Variants in ADCY8 observed in about 807,000 individuals in gnomAD.
ADCY8 encodes the protein adenylate cyclase 8.
Under a neutral mutation model 119.7 loss-of-function variants are expected in ADCY8, and 51 were observed. That is an observed-to-expected ratio of 0.43 (90% CI 0.34 to 0.54). The LOEUF (loss-of-function observed/expected upper bound fraction) is 0.54. Ranked by LOEUF, ADCY8 falls within the 20% of genes least tolerant of loss-of-function variation. The probability of loss-of-function intolerance (pLI) is 0.03; values close to 1 mark genes in which losing one functional copy is unlikely to be tolerated. For missense variants in ADCY8, 1,383 were observed against 1,598.8 expected, an observed-to-expected ratio of 0.87 and a Z score of 2.30; for synonymous variants, 665 against 651.0, an observed-to-expected ratio of 1.02 and a Z score of -0.33.
intron 12 of ADCY8, among the ~76,000 whole-genome samples, chr8:130,826,921 G>A (rs1385717676): frequency 1.3e-5 from 2 of 152,006 alleles, no homozygotes; most frequent in Admixed American, 1.3e-4. Flanking sequence ...GTCGTGGGGT[G>A]GGGGGTTGGG....
At chr8:130,847,555 A>G (rs1226377021) in intron 10 of ADCY8, 42 bp from the exon 11 acceptor site, 1 of 1,494,062 alleles carries the variant, frequency 6.7e-7, no homozygotes, top group Non-Finnish European at 9.2e-7. Context: ...CAAAAACAAA[A>G]ACAGGAACAA....
chr8:130,866,474 G>A (rs1818127883), intron 9 of ADCY8, among the ~76,000 whole-genome samples: 1 of 152,092 alleles, frequency 6.6e-6, no homozygotes, highest in African/African-American at 2.4e-5. Flanking sequence ...CAGCCATAGT[G>A]TCTACTATAT....
intron 11 of ADCY8, among the ~76,000 whole-genome samples, chr8:130,842,456 T>A (rs1201042773): frequency 6.6e-6 from 1 of 152,208 alleles, no homozygotes; most frequent in Non-Finnish European, 1.5e-5. Flanking sequence ...CCAGTACTGC[T>A]TTTATTTTAT....
At chr8:130,978,383 T>C (rs535156202) in intron 2 of ADCY8, among the ~76,000 whole-genome samples, 1 of 152,296 alleles carries the variant, frequency 6.6e-6, no homozygotes, top group South Asian at 2.1e-4. Context: ...CATTCTCTGT[T>C]GGATATGAAA....
chr8:131,008,063 T>C (rs1019632038), intron 1 of ADCY8, among the ~76,000 whole-genome samples: 3 of 152,186 alleles, frequency 2.0e-5, no homozygotes, highest in African/African-American at 4.8e-5. Flanking sequence ...GTTTTGACAA[T>C]GAAAGGGCTG....
chr8:131,029,768 CT>C (rs1169720455), intron 1 of ADCY8, among the ~76,000 whole-genome samples: 1 of 145,960 alleles, frequency 6.9e-6, no homozygotes, highest in Non-Finnish European at 1.5e-5. Context: ...TTCTGGTGTA[CT>C]TTTGCTGTAT....
At chr8:130,897,511 C>T (rs1404265938) in intron 7 of ADCY8, among the ~76,000 whole-genome samples, 1 of 151,478 alleles carries the variant, frequency 6.6e-6, no homozygotes, top group Non-Finnish European at 1.5e-5. Context: ...TTGTTCCAGG[C>T]AAACAATCAT....
chr8:130,995,810 G>A lies in ADCY8; in HGVS notation c.961-5268C>T, dbSNP rs1020677243. ...GCACCCTGTGAATTTATCACAAATT[G>A]TAATTATATATTATTTGCTTGCTTG... On this transcript the variant is annotated intron_variant, in intron 1 of 17. Transcript: ENST00000286355. Among the ~76,000 whole-genome samples, 8 of 152,224 alleles carry A rather than the reference G, an allele frequency of 5.3e-5. No homozygotes were observed. The South Asian group carries it at 8.3e-4, about 16-fold the overall frequency.
intron 2 of ADCY8, among the ~76,000 whole-genome samples, chr8:130,952,385 C>T (rs1821301039): frequency 6.6e-6 from 1 of 152,146 alleles, no homozygotes; most frequent in South Asian, 2.1e-4. Context: ...TTAAGAATGG[C>T]CTTACCAAGG....
At chr8:130,884,274 T>C (rs1333419256) in intron 8 of ADCY8, among the ~76,000 whole-genome samples, 1 of 152,194 alleles carries the variant, frequency 6.6e-6, no homozygotes, top group Non-Finnish European at 1.5e-5. Context: ...CTTAATAATC[T>C]GAAAGTGGAA....
chr8:130,952,861 G>A (rs1015755578), intron 2 of ADCY8, among the ~76,000 whole-genome samples: 6 of 152,122 alleles, frequency 3.9e-5, no homozygotes, highest in African/African-American at 1.4e-4. Context: ...CTGGGAGAGT[G>A]AGCTACACTT....
chr8:130,934,896 C>T (rs1314303795), intron 5 of ADCY8, among the ~76,000 whole-genome samples: 2 of 152,180 alleles, frequency 1.3e-5, no homozygotes, highest in Non-Finnish European at 2.9e-5. Flanking sequence ...CATAAATTCT[C>T]ATCCCACTTG....
At chr8:130,965,685 T>TCAGAATATTCCATTTGTA (rs1413123458) in intron 2 of ADCY8, among the ~76,000 whole-genome samples, 6 of 152,186 alleles carry the variant, frequency 3.9e-5, no homozygotes, top group African/African-American at 1.4e-4. Flanking sequence ...TTTCTGATAA[T>TCAGAATATTCCATTTGTA]CATTTGAATG....
At chr8:130,949,202 G>C (rs1006665781) in intron 3 of ADCY8, among the ~76,000 whole-genome samples, 2 of 152,078 alleles carry the variant, frequency 1.3e-5, no homozygotes, top group Non-Finnish European at 2.9e-5. Context: ...TAAGAGTAAC[G>C]GGAGCACTGA....
chr8:130,947,151 A>G (rs1388480922), intron 3 of ADCY8, among the ~76,000 whole-genome samples: 1 of 152,204 alleles, frequency 6.6e-6, no homozygotes, highest in Non-Finnish European at 1.5e-5. Flanking sequence ...TTGGCTAAAA[A>G]TAAGTCATGT....
At chr8:130,976,290 C>T (rs1362424682) in intron 2 of ADCY8, among the ~76,000 whole-genome samples, 1 of 152,148 alleles carries the variant, frequency 6.6e-6, no homozygotes, top group Non-Finnish European at 1.5e-5. Context: ...GAGTGAAGGC[C>T]TTTGAAGCTT....
intron 6 of ADCY8, among the ~76,000 whole-genome samples, chr8:130,904,909 G>T (rs1410122608): frequency 6.6e-6 from 1 of 152,134 alleles, no homozygotes; most frequent in Non-Finnish European, 1.5e-5. Context: ...TTATAGTGTG[G>T]TCTGGGTAGA....
chr8:130,946,427 T>C (rs1457171421), intron 3 of ADCY8, among the ~76,000 whole-genome samples: 1 of 152,100 alleles, frequency 6.6e-6, no homozygotes, highest in African/African-American at 2.4e-5. Flanking sequence ...CTGGTATAGA[T>C]TTTTCCCCCT....
intron 1 of ADCY8, among the ~76,000 whole-genome samples, chr8:131,032,359 A>G (rs1824022261): frequency 6.6e-6 from 1 of 152,214 alleles, no homozygotes; most frequent in Admixed American, 6.5e-5. Context: ...CCCAGTAGCT[A>G]TAAAGTACAA....
Sources: gnomAD v4.1 joint callset for allele counts (sites outside exome capture counted in the v4.1 genomes callset) on GRCh38, gnomAD v4.1.1 for gene constraint, MANE v1.5 for transcripts, NCBI Gene and HGNC (gene_info 2026-07-23, HGNC 2026-07-21) for gene names.